The following MYO16 variants were observed in gnomAD, a reference collection of about 807,000 sequenced individuals.
The protein encoded by MYO16 is myosin XVI, also known as unconventional myosin-XVI.
MYO16 carries 94 observed loss-of-function variants against 205.3 expected under a neutral mutation model. The observed-to-expected ratio is 0.46, with a 90% CI of 0.39 to 0.54. MYO16 has a LOEUF of 0.54. Ranked by LOEUF, MYO16 falls within the 20% of genes least tolerant of loss-of-function variation. The pLI, the probability that MYO16 is intolerant of heterozygous loss-of-function variation, is 0.00. For missense variants in MYO16, 2,315 were observed against 2,387.5 expected, an observed-to-expected ratio of 0.97 and a Z score of 0.63; for synonymous variants, 988 against 954.0, an observed-to-expected ratio of 1.04 and a Z score of -0.66.
chr13:108,700,301 C>T (rs1883249998), intron 2 of MYO16, among the ~76,000 whole-genome samples: 1 of 137,306 alleles, frequency 7.3e-6, no homozygotes, highest in Non-Finnish European at 1.5e-5. Context: ...CATTGCACTG[C>T]AGCTTGGGCA....
At chr13:109,003,086 C>T (rs1329883302) in intron 21 of MYO16, among the ~76,000 whole-genome samples, 1 of 152,130 alleles carries the variant, frequency 6.6e-6, no homozygotes, top group African/African-American at 2.4e-5. Context: ...TTAATGGACA[C>T]ATTACACCAA....
chr13:108,937,110 A>T (rs1192013889), intron 16 of MYO16, among the ~76,000 whole-genome samples: 1 of 152,178 alleles, frequency 6.6e-6, no homozygotes, highest in African/African-American at 2.4e-5. Context: ...AATGAAGCTT[A>T]ATTGAGCAGG....
In MYO16 at chr13:109,125,582, T is replaced by A. The variant is rs1407851984; in HGVS notation, c.3782+224T>A. ...TCTGTGTTCCTTCATTCATATGTGA[T>A]GATGACTGCCTCTCCTGCCATGCTT... On this transcript the variant is annotated intron_variant, in intron 30 of 34. Transcript: ENST00000457511. This position sits in a 1 kb window ranked among gnomAD's most constrained non-coding sequence, Gnocchi z 4.0. Among the ~76,000 whole-genome samples the A allele has an allele frequency of 6.6e-6, 1 of 152,230 alleles. No individual in the cohort carries two copies. The highest frequency in any genetic ancestry group is 2.4e-5 in the African/African-American group (1 of 41,462).
rs1006469693 is a variant in MYO16, at chr13:108,622,306, T to A, written c.-39+26067T>A. ...AATTGTACTTGTTGAGCACCTAGCT[T>A]GTACAGAAGAACCCTGGGCGCTTGG... On this transcript the variant is annotated intron_variant, in intron 1 of 24. Transcript: ENST00000251041. Among the ~76,000 whole-genome samples, 5 of 152,290 alleles carry A rather than the reference T, an allele frequency of 3.3e-5. 1 individual carries two copies. The South Asian group carries it at 1.0e-3, about 32-fold the overall frequency.
the MYO16 span, among the ~76,000 whole-genome samples, chr13:108,574,598 T>C: frequency 6.6e-6 from 1 of 151,970 alleles, no homozygotes; most frequent in African/African-American, 2.4e-5. Context: ...CTGAAAATCC[T>C]CAATCTTTCT....
At chr13:108,966,070 T>C (rs1388597542) in intron 20 of MYO16, among the ~76,000 whole-genome samples, 1 of 152,184 alleles carries the variant, frequency 6.6e-6, no homozygotes, top group Non-Finnish European at 1.5e-5. Context: ...CTTATTAAAA[T>C]GTACACATCT....
intron 4 of MYO16, among the ~76,000 whole-genome samples, chr13:108,775,700 T>A (rs891094023): frequency 1.3e-5 from 2 of 152,148 alleles, no homozygotes; most frequent in African/African-American, 2.4e-5. Context: ...CAGCTAAAAT[T>A]GCGCATTTAC....
chr13:108,739,229 A>C (rs1390137370), intron 4 of MYO16, among the ~76,000 whole-genome samples: 3 of 152,132 alleles, frequency 2.0e-5, no homozygotes, highest in Non-Finnish European at 4.4e-5. Flanking sequence ...TCTTCCTAGC[A>C]TCGATGGTCT....
intron 20 of MYO16, among the ~76,000 whole-genome samples, chr13:108,972,886 A>G (rs966319859): frequency 2.6e-5 from 4 of 151,932 alleles, no homozygotes; most frequent in Admixed American, 1.3e-4. Context: ...TTCTTTTAAG[A>G]AAAATAAGAT....
intron 32 of MYO16, among the ~76,000 whole-genome samples, chr13:109,160,117 G>T (rs1018586166): frequency 1.3e-5 from 2 of 152,184 alleles, no homozygotes; most frequent in African/African-American, 4.8e-5. Flanking sequence ...CTCACCAGAC[G>T]TCAGTAGCAC....
At chr13:108,941,999 G>A (rs181813632) in intron 16 of MYO16, among the ~76,000 whole-genome samples, 2 of 152,268 alleles carry the variant, frequency 1.3e-5, no homozygotes, top group African/African-American at 4.8e-5. Flanking sequence ...ATTTAATTAT[G>A]CATACATACA....
intron 4 of MYO16, among the ~76,000 whole-genome samples, chr13:108,752,294 T>C (rs1367135070): frequency 6.6e-6 from 1 of 152,224 alleles, no homozygotes; most frequent in Non-Finnish European, 1.5e-5. Context: ...ATCTGTAATT[T>C]ATGAAATTAC....
At chr13:108,601,031 G>A (rs1878744468) in intron 1 of MYO16, among the ~76,000 whole-genome samples, 1 of 152,050 alleles carries the variant, frequency 6.6e-6, no homozygotes, top group Non-Finnish European at 1.5e-5. Flanking sequence ...AGGGCTTCTT[G>A]TGTGGCTTTG....
At chr13:108,627,256 A>G (rs12323192), upstream of MYO16, among the ~76,000 whole-genome samples, 7,551 of 152,194 alleles carry the variant, frequency 0.05, 538 homozygotes, top group African/African-American at 0.16. Context: ...ATGTGGTTTC[A>G]AAGACAAAAA....
At chr13:109,019,607 C>CATATGG (rs1305553905) in intron 22 of MYO16, 104 bp from the exon 23 acceptor site, 1 of 826,728 alleles carries the variant, frequency 1.2e-6, no homozygotes, top group Admixed American at 2.7e-5. Context: ...TTCTGAGTGT[C>CATATGG]TATATGAATC....
chr13:109,135,618 C>A (rs1876741270), intron 31 of MYO16, among the ~76,000 whole-genome samples: 1 of 152,202 alleles, frequency 6.6e-6, no homozygotes, highest in Non-Finnish European at 1.5e-5. Flanking sequence ...TCTTGTTCAG[C>A]TTCTGGAGCA....
In MYO16 at chr13:108,665,959, C is replaced by A. The variant is rs753386969; in HGVS notation, c.102C>A (p.Pro34=). ...EIDQCLLESL[P]LGQRQRLVKR... is the part of the protein sequence containing the mutation. ...ACCAGTGCTTGCTAGAGTCCCTTCC[C>A]CTTGGCCAACGGCAGCGTCTAGTGA... is the stretch of plus-strand genomic sequence containing the variant. Residue 34 remains proline (P), a synonymous_variant, in exon 2 of 35, where the codon CCC becomes CCA. Coordinates refer to ENST00000457511, the MANE Select transcript of MYO16 (RefSeq NM_001198950.3). The A allele has an allele frequency of 5.6e-6, 9 of 1,614,120 alleles. No homozygotes were observed. In the Admixed American group the frequency reaches 1.3e-4, roughly 24 times the overall value.
intron 13 of MYO16, among the ~76,000 whole-genome samples, chr13:108,884,476 AG>A (rs1428965019): frequency 6.6e-5 from 10 of 152,162 alleles, no homozygotes; most frequent in Admixed American, 5.2e-4. Flanking sequence ...AAAATGAGAA[AG>A]GCGCTGAGGC....
the MYO16 span, among the ~76,000 whole-genome samples, chr13:108,575,293 G>C: frequency 6.6e-6 from 1 of 152,104 alleles, no homozygotes; most frequent in Non-Finnish European, 1.5e-5. Flanking sequence ...TGACCAACCC[G>C]CCAGCTATGT....
Sources: allele counts gnomAD v4.1 joint callset (sites outside exome capture counted in the v4.1 genomes callset), GRCh38; gene constraint gnomAD v4.1.1; non-coding constraint Gnocchi (gnomAD v3.1); transcripts MANE v1.5; gene names NCBI Gene and HGNC (gene_info 2026-07-23, HGNC 2026-07-21).